Variants in SCNN1G observed in about 807,000 individuals in gnomAD.
SCNN1G encodes the protein epithelial sodium channel subunit gamma.
A neutral mutation model predicts 64.6 loss-of-function variants in SCNN1G; 27 were observed. The ratio of observed to expected loss-of-function variants is 0.42; its 90% CI spans 0.31 to 0.58. SCNN1G has a LOEUF of 0.58. Among genes scored for constraint, SCNN1G ranks in the 20% least tolerant of loss-of-function variants. The pLI is 0.18. For missense variants in SCNN1G, 743 were observed against 823.4 expected (o/e 0.90, Z 1.19); for synonymous variants, 330 against 314.2 (o/e 1.05, Z -0.53).
intron 2 of SCNN1G, among the ~76,000 whole-genome samples, chr16:23,188,398 G>C (rs900892993): frequency 6.6e-6 from 1 of 152,016 alleles, no homozygotes; most frequent in African/African-American, 2.4e-5. Context: ...CATAGTCCCA[G>C]CAACTTAGGA....
chr16:23,202,233 A>G (rs1403064779), intron 6 of SCNN1G, among the ~76,000 whole-genome samples: 3 of 132,320 alleles, frequency 2.3e-5, no homozygotes, highest in African/African-American at 8.4e-5. Flanking sequence ...GTAAATATTG[A>G]TAGATGACAG....
At chr16:23,197,580 A>C (rs1203179473) in intron 6 of SCNN1G, among the ~76,000 whole-genome samples, 153 bp downstream of exon 6, 1 of 152,014 alleles carries the variant, frequency 6.6e-6, no homozygotes, top group Non-Finnish European at 1.5e-5. Flanking sequence ...TCATTTCAGG[A>C]GTTACATTAA....
chr16:23,198,701 T>G (rs1959837216), intron 6 of SCNN1G, among the ~76,000 whole-genome samples: 1 of 150,934 alleles, frequency 6.6e-6, no homozygotes, highest in African/African-American at 2.4e-5. Flanking sequence ...ATTGTACCAT[T>G]GCACTCCAGT....
rs549609227 is a variant in SCNN1G at position 23,215,543 on chromosome 16, C to T, written c.*74C>T. Reference sequence around the variant, plus strand: ...AGGACATGGATCGGGTGCCCCCAGACGTGTGCACAGGGGACCCTCTGCCCC... The same window carrying T: ...AGGACATGGATCGGGTGCCCCCAGATGTGTGCACAGGGGACCCTCTGCCCC... On this transcript the variant is annotated 3_prime_UTR_variant, in exon 13 of 13. Transcript: ENST00000300061. 76 of 1,561,804 alleles carry T rather than the reference C, an allele frequency of 4.9e-5. No homozygotes were observed. Among genetic ancestry groups the T allele is most frequent in the Non-Finnish European group, 5.9e-5 (68 of 1,145,756 alleles).
At chr16:23,189,734 T>C in intron 3 of SCNN1G, 63 bp downstream of exon 3, 3 of 1,496,200 alleles carry the variant, frequency 2.0e-6, no homozygotes, top group East Asian at 2.3e-5. Context: ...GGTCCAGGAC[T>C]CTTCTCCTTG....
chr16:23,204,306 T>TATATATATATATATAC (rs1959943698), intron 6 of SCNN1G, among the ~76,000 whole-genome samples: 1 of 63,938 alleles, frequency 1.6e-5, no homozygotes, highest in African/African-American at 6.0e-5. Flanking sequence ...TATATATATA[T>TATATATATATATATAC]ATATATATAT....
rs772835346 is a variant in SCNN1G, at chr16:23,215,317, G to A, written c.1798G>A (p.Asp600Asn). The change falls in exon 13 of 13, where the codon GAT becomes AAT. Residue 600 changes from aspartate to asparagine, a missense_variant. Coordinates refer to ENST00000300061, the MANE Select transcript of SCNN1G (RefSeq NM_001039.4). ...GQDNPALDIDDDLPTFNSALH... is the reference protein window; with the variant it reads ...GQDNPALDIDNDLPTFNSALH... The stretch of plus-strand genomic sequence containing the variant: ...GGACAATCCAGCCCTGGATATAGAC[G>A]ATGACCTACCCACTTTCAACTCTGC... The A allele has an allele frequency of 1.7e-5, 28 of 1,614,130 alleles. No individual in the cohort carries two copies. The highest frequency in any genetic ancestry group is 1.3e-4 in the South Asian group (12 of 91,088).
intron 6 of SCNN1G, among the ~76,000 whole-genome samples, chr16:23,201,852 C>G (rs559401344): frequency 3.6e-4 from 55 of 152,284 alleles, no homozygotes; most frequent in African/African-American, 1.3e-3. Flanking sequence ...GCTCTGTCAT[C>G]CAGCTGGAGT....
intron 6 of SCNN1G, among the ~76,000 whole-genome samples, chr16:23,205,186 C>T (rs1056011672): frequency 6.6e-6 from 1 of 152,140 alleles, no homozygotes; most frequent in African/African-American, 2.4e-5. Context: ...CAGACTTGTT[C>T]GGATCCAAGC....
Position 23,204,330 on chromosome 16 carries a change from TATATAG to T in SCNN1G, c.1078-5418_1078-5413del, listed in dbSNP as rs1372322684. Among the ~76,000 whole-genome samples, 217 of 34,456 alleles carry T rather than the reference TATATAG, an allele frequency of 6.3e-3. 2 individuals carry two copies. The highest frequency in any genetic ancestry group is 0.022 in the Middle Eastern group (1 of 46). 22.6% of individuals were successfully genotyped at this position (34,456 alleles called of 152,430 possible). On this transcript the variant is annotated intron_variant, in intron 6 of 12. Transcript: ENST00000300061. ...ATATATATATATATATATATATATA[TATATAG>T]AGAGAGAGAGAGAGAGAGAGAGAGA... is the stretch of plus-strand genomic sequence containing the variant.
intron 4 of SCNN1G, among the ~76,000 whole-genome samples, chr16:23,193,949 C>G (rs1959753139): frequency 7.4e-6 from 1 of 134,476 alleles, no homozygotes; most frequent in Non-Finnish European, 1.5e-5. Context: ...TGAGAAGATT[C>G]CGAGAGAAAA....
chr16:23,214,382 A>T (rs1451849341), intron 11 of SCNN1G, among the ~76,000 whole-genome samples: 1 of 152,200 alleles, frequency 6.6e-6, no homozygotes, highest in Non-Finnish European at 1.5e-5. Context: ...CATGTACATT[A>T]CCTGTACATA....
chr16:23,188,065 G>C (rs952159804), intron 2 of SCNN1G, among the ~76,000 whole-genome samples: 1 of 151,258 alleles, frequency 6.6e-6, no homozygotes, highest in African/African-American at 2.4e-5. Context: ...TCCATTATTT[G>C]TTCCATAATA....
intron 4 of SCNN1G, among the ~76,000 whole-genome samples, chr16:23,193,404 T>A (rs1288356758): frequency 6.6e-6 from 1 of 152,112 alleles, no homozygotes; most frequent in Non-Finnish European, 1.5e-5. Context: ...GCCAGCACTT[T>A]GGGAGGCTGA....
intron 7 of SCNN1G, among the ~76,000 whole-genome samples, chr16:23,210,195 C>T (rs1465216636): frequency 5.3e-5 from 8 of 152,140 alleles, no homozygotes; most frequent in Non-Finnish European, 1.0e-4. Context: ...TGGTGCCCCT[C>T]TCTGGATGAT....
In SCNN1G at chr16:23,198,273, G is replaced by A. The variant is rs149469994; in HGVS notation, c.1077+846G>A. Among the ~76,000 whole-genome samples, 295 of 152,268 alleles carry A rather than the reference G, an allele frequency of 1.9e-3. 2 individuals carry two copies. Among genetic ancestry groups the A allele is most frequent in the African/African-American group, 6.9e-3 (286 of 41,564 alleles). On this transcript the variant is annotated intron_variant, in intron 6 of 12. Transcript: ENST00000300061. The stretch of plus-strand genomic sequence containing the variant: ...AAGTAAGCCGCAGACTCCAATCCCC[G>A]AGTCAGCCTTGCCCAATGGGAGCTG...
intron 10 of SCNN1G, 95 bp from the exon 11 acceptor site, chr16:23,213,007 G>A: frequency 6.5e-7 from 1 of 1,528,628 alleles, no homozygotes; most frequent in Admixed American, 1.7e-5. Context: ...GAATTACCTT[G>A]TGGAGGCTGG....
intron 5 of SCNN1G, among the ~76,000 whole-genome samples, chr16:23,195,502 C>T (rs1460054557): frequency 2.0e-5 from 3 of 152,198 alleles, no homozygotes; most frequent in Non-Finnish European, 2.9e-5. Context: ...GAGGGCCTGT[C>T]ATAAAGGAAA....
chr16:23,210,939 G>A (rs2141943983), intron 7 of SCNN1G, among the ~76,000 whole-genome samples: 1 of 152,310 alleles, frequency 6.6e-6, no homozygotes, highest in East Asian at 1.9e-4. Flanking sequence ...AAGGGAGGCT[G>A]AGGAGGGAGG....
Sources: gnomAD v4.1 joint callset for allele counts (sites outside exome capture counted in the v4.1 genomes callset) on GRCh38, gnomAD v4.1.1 for gene constraint, MANE v1.5 for transcripts, NCBI Gene and HGNC (gene_info 2026-07-23, HGNC 2026-07-21) for gene names.